Variants in CNTN5 observed in about 807,000 individuals in gnomAD.
CNTN5 encodes contactin 5, also known as contactin-5.
CNTN5 carries 77 observed loss-of-function variants against 129.1 expected under a neutral mutation model. The ratio of observed to expected loss-of-function variants is 0.60; its 90% CI spans 0.50 to 0.72. The LOEUF is 0.72. Ranked by LOEUF, CNTN5 falls within the 30% of genes least tolerant of loss-of-function variation. CNTN5 has a pLI of 0.00. For synonymous variants in CNTN5, 509 were observed against 465.6 expected (o/e 1.09, Z -1.20); for missense variants, 1,478 against 1,328.8 (o/e 1.11, Z -1.75).
chr11:99,764,109 G>A (rs936070009), intron 3 of CNTN5, among the ~76,000 whole-genome samples: 2 of 151,974 alleles, frequency 1.3e-5, no homozygotes, highest in African/African-American at 4.8e-5. Flanking sequence ...ACAAATATGT[G>A]ATAGTATATA....
intron 15 of CNTN5, among the ~76,000 whole-genome samples, chr11:100,208,179 T>G (rs1284860971): frequency 1.3e-5 from 2 of 152,188 alleles, no homozygotes; most frequent in African/African-American, 4.8e-5. Context: ...GAATTAAATA[T>G]GGTCTCTATC....
At chr11:99,544,918 G>C (rs1161282942) in intron 2 of CNTN5, among the ~76,000 whole-genome samples, 1 of 152,180 alleles carries the variant, frequency 6.6e-6, no homozygotes, top group Non-Finnish European at 1.5e-5. Context: ...AACATCCACT[G>C]CATATCCCTG....
intron 1 of CNTN5, among the ~76,000 whole-genome samples, chr11:99,151,859 C>T (rs1339947213): frequency 6.6e-6 from 1 of 152,006 alleles, no homozygotes; most frequent in Non-Finnish European, 1.5e-5. Context: ...ACATCACACA[C>T]CGGGGCCTGT....
intron 1 of CNTN5, among the ~76,000 whole-genome samples, chr11:99,324,862 C>A (rs1017931810): frequency 6.6e-6 from 1 of 152,076 alleles, no homozygotes; most frequent in South Asian, 2.1e-4. Context: ...AGGATGGTCT[C>A]GATCTCCTGA....
intron 2 of CNTN5, among the ~76,000 whole-genome samples, chr11:99,518,453 A>G (rs1947143084): frequency 2.0e-5 from 3 of 152,268 alleles, no homozygotes; most frequent in Admixed American, 6.5e-5. Context: ...GCGACAAATC[A>G]TGAAGTGGGT....
chr11:99,146,935 T>C (rs896532100), intron 1 of CNTN5, among the ~76,000 whole-genome samples: 1 of 152,168 alleles, frequency 6.6e-6, no homozygotes, highest in Non-Finnish European at 1.5e-5. Context: ...TTTCCCATGC[T>C]GGTCCTGAAC....
chr11:99,119,606 A>G (rs1858209163), intron 1 of CNTN5, among the ~76,000 whole-genome samples: 1 of 152,168 alleles, frequency 6.6e-6, no homozygotes, highest in South Asian at 2.1e-4. Context: ...ATACGCATAC[A>G]TGTGTCTTTA....
At chr11:100,251,372 G>A (rs1382999040) in intron 16 of CNTN5, among the ~76,000 whole-genome samples, 2 of 152,094 alleles carry the variant, frequency 1.3e-5, no homozygotes, top group East Asian at 3.9e-4. Flanking sequence ...ACAGTGATCA[G>A]ATCAAGGTAA....
At chr11:99,082,986 T>C (rs1390435683) in intron 1 of CNTN5, among the ~76,000 whole-genome samples, 1 of 151,756 alleles carries the variant, frequency 6.6e-6, no homozygotes, top group African/African-American at 2.4e-5. Context: ...CTTTCTACAT[T>C]CCCCCTTCTT....
intron 23 of CNTN5, among the ~76,000 whole-genome samples, chr11:100,347,134 A>C (rs1952298207): frequency 3.3e-5 from 5 of 152,142 alleles, no homozygotes; most frequent in Admixed American, 3.3e-4. Flanking sequence ...CATATCAAAT[A>C]CAAACAGAGG....
intron 3 of CNTN5, among the ~76,000 whole-genome samples, chr11:99,732,071 A>G (rs575892219): frequency 6.6e-6 from 1 of 152,342 alleles, no homozygotes; most frequent in Non-Finnish European, 1.5e-5. Flanking sequence ...TGTAGATACA[A>G]AGAAGACAAA....
intron 2 of CNTN5, among the ~76,000 whole-genome samples, chr11:99,470,290 T>G (rs973472832): frequency 6.6e-6 from 1 of 152,174 alleles, no homozygotes; most frequent in Non-Finnish European, 1.5e-5. Context: ...AAAATCAGAA[T>G]GATAGAAGCC....
chr11:100,161,854 C>CACACACAT lies in CNTN5; in HGVS notation c.1581-29265_1581-29264insTACACACA, dbSNP rs1565302306. The stretch of plus-strand genomic sequence containing the variant: ...CTACACACACACACACACACACACA[C>CACACACAT]ACACACACACACACACACAAAACAA... On this transcript the variant is annotated intron_variant, in intron 13 of 24. Transcript: ENST00000524871. Among the ~76,000 whole-genome samples the CACACACAT allele has an allele frequency of 9.2e-4, 137 of 149,266 alleles. 1 individual carries two copies. Among genetic ancestry groups the CACACACAT allele is most frequent in the African/African-American group, 3.3e-3 (132 of 39,680 alleles).
At chr11:99,332,352 G>T (rs1282409955) in intron 2 of CNTN5, among the ~76,000 whole-genome samples, 10 of 151,894 alleles carry the variant, frequency 6.6e-5, no homozygotes, top group Admixed American at 6.6e-4. Context: ...ATAACTGATA[G>T]TATCAATATT....
chr11:99,224,192 G>A lies in CNTN5; in HGVS notation c.-209-101154G>A, dbSNP rs187249672. 6.7e-5 allele frequency among the ~76,000 whole-genome samples: 10 copies of A among 150,180 alleles called. No individual in the cohort carries two copies. In the East Asian group the frequency reaches 1.9e-3, roughly 29 times the overall value. On this transcript the variant is annotated intron_variant, in intron 1 of 24. Transcript: ENST00000524871. ...TTTATTCCATAATTTAGCTGAGAGA[G>A]CTTCTGAAACACTCTTTCTAGAAGT...
At chr11:99,729,103 G>C (rs1052710300) in intron 3 of CNTN5, among the ~76,000 whole-genome samples, 1 of 152,136 alleles carries the variant, frequency 6.6e-6, no homozygotes, top group Admixed American at 6.5e-5. Flanking sequence ...CTCTATTGCA[G>C]TAGAAAGATA....
chr11:99,980,544 G>T (rs1025029213), intron 8 of CNTN5, among the ~76,000 whole-genome samples: 1 of 152,130 alleles, frequency 6.6e-6, no homozygotes, highest in Non-Finnish European at 1.5e-5. Flanking sequence ...GAACTAGGAC[G>T]ATTTGCAAAG....
At chr11:99,474,403 C>T (rs934587093) in intron 2 of CNTN5, among the ~76,000 whole-genome samples, 7 of 152,080 alleles carry the variant, frequency 4.6e-5, no homozygotes, top group African/African-American at 1.4e-4. Context: ...GTTTACTGAG[C>T]TTTCTATCAT....
At chr11:100,167,549 C>T (rs560479777) in intron 13 of CNTN5, among the ~76,000 whole-genome samples, 65 of 151,750 alleles carry the variant, frequency 4.3e-4, no homozygotes, top group Non-Finnish European at 8.0e-4. Context: ...AGAAGCTTAT[C>T]TCAAATAAGT....
Sources: allele counts gnomAD v4.1 joint callset (sites outside exome capture counted in the v4.1 genomes callset), GRCh38; gene constraint gnomAD v4.1.1; transcripts MANE v1.5; gene names NCBI Gene and HGNC (gene_info 2026-07-23, HGNC 2026-07-21).